The following FBXW11 variants were observed in gnomAD, a reference collection of about 807,000 sequenced individuals.
FBXW11 encodes the protein F-box/WD repeat-containing protein 11.
Under a neutral mutation model 77.6 loss-of-function variants are expected in FBXW11, and 19 were observed. The ratio of observed to expected loss-of-function variants is 0.24; its 90% CI spans 0.17 to 0.36. The LOEUF is 0.36. FBXW11 is among the 10% of genes least tolerant of loss of function. The pLI is 1.00. For synonymous variants in FBXW11, 235 were observed against 249.4 expected (o/e 0.94, Z 0.54); for missense variants, 334 against 704.2 (o/e 0.47, Z 5.95).
chr5:171,984,158 G>C (rs1158981506), intron 1 of FBXW11, among the ~76,000 whole-genome samples: 1 of 152,172 alleles, frequency 6.6e-6, no homozygotes, highest in South Asian at 2.1e-4. Flanking sequence ...TTTAAGAAGA[G>C]AGTTCATTGA....
intron 7 of FBXW11, among the ~76,000 whole-genome samples, chr5:171,887,690 G>C (rs1031618124): frequency 2.6e-5 from 4 of 151,000 alleles, no homozygotes; most frequent in Non-Finnish European, 5.9e-5. Flanking sequence ...TTTTTATTGA[G>C]ACAGAGTCTT....
chr5:171,975,686 G>A (rs1367141487), intron 1 of FBXW11, among the ~76,000 whole-genome samples: 3 of 152,196 alleles, frequency 2.0e-5, no homozygotes, highest in African/African-American at 7.2e-5. Flanking sequence ...CAAGGTTACA[G>A]TAAAGGTTAA....
intron 7 of FBXW11, 111 bp downstream of exon 7, chr5:171,891,356 T>G (rs2113843160): frequency 1.0e-6 from 1 of 980,198 alleles, no homozygotes; most frequent in Admixed American, 3.0e-5. Flanking sequence ...CTGCCAAGAT[T>G]GAGTGGAAGA....
chr5:171,967,827 G>A (rs1219869830), intron 1 of FBXW11, among the ~76,000 whole-genome samples: 3 of 140,974 alleles, frequency 2.1e-5, no homozygotes, highest in East Asian at 4.0e-4. Flanking sequence ...CAACAAGAGC[G>A]AGACTCTGTC....
intron 2 of FBXW11, among the ~76,000 whole-genome samples, chr5:171,952,445 A>ATTTT (rs1206783053): frequency 3.1e-4 from 3 of 9,586 alleles, no homozygotes; most frequent in Non-Finnish European, 4.4e-4. Context: ...ATATATATAT[A>ATTTT]TATTTTTTTT....
intron 1 of FBXW11, among the ~76,000 whole-genome samples, chr5:171,969,732 C>T (rs1356044959): frequency 3.9e-5 from 6 of 152,074 alleles, no homozygotes; most frequent in Non-Finnish European, 1.5e-5. Flanking sequence ...GACAAAATTG[C>T]GCTCTGTCAC....
In FBXW11 at chr5:172,004,073, G is replaced by A. The variant is rs1420989664; in HGVS notation, c.45+2385C>T. Among the ~76,000 whole-genome samples the A allele has an allele frequency of 3.3e-5, 5 of 151,956 alleles. No homozygotes were observed. The East Asian group carries it at 9.6e-4, about 29-fold the overall frequency. The stretch of plus-strand genomic sequence containing the variant: ...TCAATCGTATTATCTTGAAACCAAT[G>A]TAAAAAATATTTTTAACCCAGTTCT... On this transcript the variant is annotated intron_variant, in intron 1 of 13. Coordinates refer to ENST00000517395, the MANE Select transcript of FBXW11 (RefSeq NM_001378974.1).
intron 6 of FBXW11, among the ~76,000 whole-genome samples, chr5:171,895,175 T>C (rs1237178915): frequency 2.0e-5 from 3 of 152,192 alleles, no homozygotes; most frequent in East Asian, 3.8e-4. Context: ...AGCCATCATG[T>C]GGTATGGCTA....
chr5:171,893,421 C>CAAAAAAAAAAAACAAAAAAAAAA (rs757678376), intron 6 of FBXW11, among the ~76,000 whole-genome samples: 5 of 39,854 alleles, frequency 1.3e-4, no homozygotes, highest in Non-Finnish European at 1.3e-4. Context: ...ACTTCAAAAC[C>CAAAAAAAAAAAACAAAAAAAAAA]AAAAAAAAAA....
Position 171,900,003 on chromosome 5 carries a change from C to T in FBXW11, c.534G>A (p.Val178=). ...AELVCKEWQR[V]ISEGMLWKKL... ...TCTTCCAAAGCATTCCTTCTGAGAT[C>T]ACTCGCTGCCATTCTTTACATACCA... is the stretch of plus-strand genomic sequence containing the variant. Residue 178 remains valine, a synonymous_variant, in exon 5 of 14, where the codon GTG becomes GTA. Coordinates refer to ENST00000517395, the MANE Select transcript of FBXW11 (RefSeq NM_001378974.1). 6.2e-7 allele frequency: 1 copy of T among 1,613,866 alleles called. No individual in the cohort carries two copies.
intron 2 of FBXW11, among the ~76,000 whole-genome samples, chr5:171,955,365 C>T (rs1220819295): frequency 6.6e-6 from 1 of 152,196 alleles, no homozygotes; most frequent in East Asian, 1.9e-4. Context: ...GGTAGCCTAA[C>T]TATTCCTTCC....
At chr5:172,006,387 A>C in intron 1 of FBXW11, 71 bp downstream of exon 1, 10 of 1,364,122 alleles carry the variant, frequency 7.3e-6, no homozygotes, top group Non-Finnish European at 9.9e-6. Flanking sequence ...CTCGCACCGG[A>C]CGTTGAGGTG....
At chr5:171,974,284 A>C (rs1764693431) in intron 1 of FBXW11, among the ~76,000 whole-genome samples, 1 of 151,990 alleles carries the variant, frequency 6.6e-6, no homozygotes, top group African/African-American at 2.4e-5. Context: ...AAAACACAAA[A>C]TTAGCCGGGC....
At chr5:171,868,909 C>G (rs780707122) in intron 12 of FBXW11, 113 bp from the exon 13 acceptor site, 43 of 892,070 alleles carry the variant, frequency 4.8e-5, no homozygotes, top group Non-Finnish European at 7.1e-5. Context: ...ACTTCCTAAA[C>G]GACTGTACAG....
intron 13 of FBXW11, among the ~76,000 whole-genome samples, chr5:171,867,395 T>G (rs930501383): frequency 9.2e-5 from 14 of 152,034 alleles, no homozygotes; most frequent in African/African-American, 3.4e-4. Flanking sequence ...ATGAAAAAAA[T>G]TCTTTTAATT....
intron 7 of FBXW11, among the ~76,000 whole-genome samples, chr5:171,890,331 T>C (rs1382356219): frequency 1.3e-5 from 2 of 152,038 alleles, no homozygotes; most frequent in Non-Finnish European, 2.9e-5. Context: ...AAGACCAGCC[T>C]GGGCAACACG....
chr5:171,924,238 G>C (rs1761764150), intron 2 of FBXW11, among the ~76,000 whole-genome samples: 3 of 151,970 alleles, frequency 2.0e-5, no homozygotes, highest in Admixed American at 2.0e-4. Flanking sequence ...CCACCTTCAA[G>C]CTAAAAACAG....
intron 2 of FBXW11, among the ~76,000 whole-genome samples, chr5:171,920,929 C>T (rs1561685231): frequency 6.6e-6 from 1 of 152,066 alleles, no homozygotes; most frequent in Admixed American, 6.5e-5. Context: ...TAAAACCAAA[C>T]AAAACCTGAG....
intron 2 of FBXW11, among the ~76,000 whole-genome samples, chr5:171,942,392 G>A (rs1376361936): frequency 6.6e-6 from 1 of 151,972 alleles, no homozygotes; most frequent in Non-Finnish European, 1.5e-5. Context: ...GGACTTCCAC[G>A]ACCTTGACAC....
Sources: gnomAD v4.1 joint callset for allele counts (sites outside exome capture counted in the v4.1 genomes callset) on GRCh38, gnomAD v4.1.1 for gene constraint, MANE v1.5 for transcripts, NCBI Gene and HGNC (gene_info 2026-07-23, HGNC 2026-07-21) for gene names.